The following TK2 variants were observed in gnomAD, a reference collection of about 807,000 sequenced individuals.
TK2 encodes the protein thymidine kinase 2.
Under a neutral mutation model 41.9 loss-of-function variants are expected in TK2, and 35 were observed. That is an observed-to-expected ratio of 0.84 (90% CI 0.64 to 1.11). TK2 has a LOEUF of 1.11. Ranked by LOEUF, TK2 falls within the 50% of genes least tolerant of loss-of-function variation. TK2 has a pLI of 0.00. For missense variants in TK2, 320 were observed against 351.1 expected (o/e 0.91, Z 0.71); for synonymous variants, 128 against 129.1 (o/e 0.99, Z 0.06).
At chr16:66,512,095 C>T in intron 9 of TK2, 29 bp from the exon 10 acceptor site, 1 of 1,583,226 alleles carries the variant, frequency 6.3e-7, no homozygotes, top group Non-Finnish European at 8.7e-7. Flanking sequence ...GGTCACAAGG[C>T]TGCACTGACC....
At chr16:66,549,063 G>A (rs1312606558) in intron 1 of TK2, 54 bp from the exon 2 acceptor site, 1 of 1,609,214 alleles carries the variant, frequency 6.2e-7, no homozygotes, top group African/African-American at 1.3e-5. Context: ...ACTCTCCTCT[G>A]CCCTAATTTG....
rs184154436 is a variant in TK2 at position 66,543,377 on chromosome 16, G to A, written c.157-1424C>T. Among the ~76,000 whole-genome samples the A allele has an allele frequency of 2.2e-3, 337 of 152,300 alleles. 2 individuals are homozygous for A. The highest frequency in any genetic ancestry group is 7.9e-3 in the African/African-American group (327 of 41,568). On this transcript the variant is annotated intron_variant, in intron 2 of 9. Coordinates refer to ENST00000544898, the MANE Select transcript of TK2 (RefSeq NM_004614.5). ...CTAGGCTGGAGCCCTTGAACCTGTAGCCCAGTGATTCTGACCAAGCTCTGC... is the reference window on the plus strand; with the variant it reads ...CTAGGCTGGAGCCCTTGAACCTGTAACCCAGTGATTCTGACCAAGCTCTGC...
chr16:66,531,259 G>A (rs1965102358), intron 5 of TK2, 121 bp downstream of exon 5: 19 of 944,312 alleles, frequency 2.0e-5, no homozygotes, highest in Non-Finnish European at 3.0e-5. Context: ...CACACAGAGA[G>A]GCCTGCACAG....
chr16:66,548,326 C>A (rs146275660), intron 2 of TK2, among the ~76,000 whole-genome samples: 218 of 152,316 alleles, frequency 1.4e-3, no homozygotes, highest in Non-Finnish European at 2.5e-3. Context: ...CTTGCCAAGC[C>A]ACCCCCTTCC....
chr16:66,542,958 C>T lies in TK2; in HGVS notation c.157-1005G>A, dbSNP rs544834797. On this transcript the variant is annotated intron_variant, in intron 2 of 9. Transcript: ENST00000544898. ...CGTGATCTCAGCTCACTGCAACCTC[C>T]ACCTCCTGGGTTCAAGCCATTCTCC... Among the ~76,000 whole-genome samples, 6 of 152,274 alleles carry T rather than the reference C, an allele frequency of 3.9e-5. No individual in the cohort carries two copies. In the East Asian group the frequency reaches 9.7e-4, roughly 25 times the overall value.
intron 6 of TK2, 70 bp downstream of exon 6, chr16:66,528,924 T>C: frequency 1.4e-6 from 2 of 1,456,556 alleles, no homozygotes; most frequent in Non-Finnish European, 1.9e-6. Flanking sequence ...GTCAATCGAA[T>C]AAACAAGTTT....
rs1555524906 is a variant in TK2, at chr16:66,514,113, A to AC, written c.619-303dup. ...AATCAAAGCCAAGGCAAAAGGCAGGACCCCCTCCCCCTCCCCCTCTCCCTC... is the reference window on the plus strand; with the variant it reads ...AATCAAAGCCAAGGCAAAAGGCAGGACCCCCCTCCCCCTCCCCCTCTCCCTC... On this transcript the variant is annotated intron_variant, in intron 8 of 9. Coordinates refer to ENST00000544898, the MANE Select transcript of TK2 (RefSeq NM_004614.5). This position sits in a 1 kb window ranked among gnomAD's most constrained non-coding sequence, Gnocchi z 4.2. 7.3e-5 allele frequency among the ~76,000 whole-genome samples: 11 copies of AC among 149,950 alleles called. No individual in the cohort carries two copies. Among genetic ancestry groups the AC allele is most frequent in the Non-Finnish European group, 1.2e-4 (8 of 67,462 alleles).
chr16:66,510,225 AAAAAG>A lies in TK2; in HGVS notation c.*1738_*1742del, dbSNP rs1275324833. 3 of 152,030 alleles carry A rather than the reference AAAAAG, an allele frequency of 2.0e-5. No homozygotes were observed. Among genetic ancestry groups the A allele is most frequent in the Admixed American group, 6.6e-5 (1 of 15,258 alleles). 9.4% of individuals were successfully genotyped at this position (152,030 alleles called of 1,614,324 possible). A position where few individuals can be genotyped will look rare whatever the true frequency, so the allele number is the denominator to read the frequency against. On this transcript the variant is annotated 3_prime_UTR_variant, in exon 10 of 10. Coordinates refer to ENST00000544898, the MANE Select transcript of TK2 (RefSeq NM_004614.5). ...GTGCCTTAGGCAAAAAAAAAAAAAA[AAAAAG>A]AGAGAGAAATCACATTTCCCCAAAA...
intron 2 of TK2, among the ~76,000 whole-genome samples, chr16:66,546,137 G>T (rs1965600452): frequency 6.6e-6 from 1 of 152,162 alleles, no homozygotes. Flanking sequence ...GGCTGATGTG[G>T]GAGGATCACC....
At chr16:66,523,191 T>G (rs200636633) in intron 6 of TK2, among the ~76,000 whole-genome samples, 1 of 152,126 alleles carries the variant, frequency 6.6e-6, no homozygotes, top group Non-Finnish European at 1.5e-5. Context: ...TGAACCAAGG[T>G]TGCAAGAGCT....
chr16:66,541,639 A>G (rs768370722), intron 3 of TK2, among the ~76,000 whole-genome samples: 2 of 151,156 alleles, frequency 1.3e-5, no homozygotes, highest in Non-Finnish European at 2.9e-5. Flanking sequence ...CTGGTCTGGA[A>G]CTCCTGGGCT....
intron 2 of TK2, among the ~76,000 whole-genome samples, chr16:66,545,461 T>C (rs1241285631): frequency 6.6e-6 from 1 of 152,224 alleles, no homozygotes; most frequent in Non-Finnish European, 1.5e-5. Context: ...AGCCACGCCA[T>C]GAATACTATT....
intron 4 of TK2, among the ~76,000 whole-genome samples, chr16:66,533,894 G>C (rs1038025962): frequency 5.3e-5 from 8 of 151,044 alleles, no homozygotes; most frequent in Admixed American, 4.6e-4. Flanking sequence ...TGTAGTCCCA[G>C]CTACTCGGGA....
rs1454450104 is a variant in TK2 at position 66,548,988 on chromosome 16, TTC to T, written c.144_145del (p.Lys50IlefsTer99). The T allele has an allele frequency of 1.9e-5, 31 of 1,613,544 alleles. No homozygotes were observed. The highest frequency in any genetic ancestry group is 5.0e-5 in the Admixed American group (3 of 60,002). ...AAAAGAGGGACTTACCACTGATTTT[TTC>T]TCTTTTTCCTGTTCTTTATCTACAA... On this transcript the variant is annotated frameshift_variant, in exon 2 of 10. Transcript: ENST00000544898. LOFTEE classifies it high-confidence loss of function.
rs1439101826 is a variant in TK2, at chr16:66,517,985, G to A, written c.450-108C>T. The A allele has an allele frequency of 6.7e-6, 6 of 890,098 alleles. No individual in the cohort carries two copies. Among genetic ancestry groups the A allele is most frequent in the South Asian group, 2.6e-5 (2 of 75,838 alleles). 55.1% of individuals were successfully genotyped at this position (890,098 alleles called of 1,614,324 possible). ...CTCTCAATGAAAGGAGTCACCAAGG[G>A]TACCAGGGCACAGTGTGATCCGTGC... On this transcript the variant is annotated intron_variant, in intron 6 of 9. Transcript: ENST00000544898. This position sits in a 1 kb window ranked among gnomAD's most constrained non-coding sequence, Gnocchi z 4.3.
chr16:66,512,325 G>A (rs796120004), intron 9 of TK2, among the ~76,000 whole-genome samples: 4 of 152,330 alleles, frequency 2.6e-5, no homozygotes, highest in African/African-American at 9.6e-5. Context: ...CACTTTGGGA[G>A]GCTGAGACCT....
chr16:66,541,593 T>C (rs775009304), intron 3 of TK2, among the ~76,000 whole-genome samples: 7 of 152,092 alleles, frequency 4.6e-5, no homozygotes, highest in Non-Finnish European at 8.8e-5. Flanking sequence ...GCCTGGCATA[T>C]TTTTGTAGAG....
Position 66,517,989 on chromosome 16 carries a change from C to G in TK2, c.450-112G>C. On this transcript the variant is annotated intron_variant, in intron 6 of 9. Transcript: ENST00000544898. The surrounding 1 kb of genome is among the most constrained non-coding windows in gnomAD (Gnocchi z 4.3). Reference sequence around the variant, plus strand: ...CAATGAAAGGAGTCACCAAGGGTACCAGGGCACAGTGTGATCCGTGCAATA... The same window carrying G: ...CAATGAAAGGAGTCACCAAGGGTACGAGGGCACAGTGTGATCCGTGCAATA... The G allele has an allele frequency of 1.2e-6, 1 of 869,006 alleles. No individual in the cohort carries two copies. Among genetic ancestry groups the G allele is most frequent in the Non-Finnish European group, 2.0e-6 (1 of 507,462 alleles). The allele number at this position is 869,006 out of a possible 1,614,324, so 53.8% of individuals were successfully genotyped here.
chr16:66,519,122 G>A (rs1349993300), intron 6 of TK2, among the ~76,000 whole-genome samples: 8 of 143,986 alleles, frequency 5.6e-5, no homozygotes, highest in Admixed American at 2.8e-4. Flanking sequence ...CCACCACGCC[G>A]GGCTAATTTT....
Sources: gnomAD v4.1 joint callset for allele counts (sites outside exome capture counted in the v4.1 genomes callset) on GRCh38, gnomAD v4.1.1 for gene constraint, Gnocchi (gnomAD v3.1) non-coding constraint, MANE v1.5 for transcripts, NCBI Gene and HGNC (gene_info 2026-07-23, HGNC 2026-07-21) for gene names.